Variants in MECR observed in about 807,000 individuals in gnomAD.
MECR encodes the protein mitochondrial trans-2-enoyl-CoA reductase.
A neutral mutation model predicts 49.1 loss-of-function variants in MECR; 37 were observed. The ratio of observed to expected loss-of-function variants is 0.75; its 90% CI spans 0.58 to 0.99. MECR has a LOEUF of 0.99. Among genes scored for constraint, MECR ranks in the 50% least tolerant of loss-of-function variants. MECR has a pLI of 0.00. For missense variants in MECR, 470 were observed against 479.6 expected (o/e 0.98, Z 0.19); for synonymous variants, 198 against 191.1 (o/e 1.04, Z -0.30).
In MECR at chr1:29,230,281, A is replaced by AAAT. The variant is rs571429793; in HGVS notation, c.176+447_176+449dup. 637 of 169,854 alleles carry AAAT rather than the reference A, an allele frequency of 3.8e-3. 2 individuals are homozygous for AAAT. Among genetic ancestry groups the AAAT allele is most frequent in the Non-Finnish European group, 5.8e-3 (459 of 79,230 alleles). The allele number at this position is 169,854 out of a possible 1,614,324, so 10.5% of individuals were successfully genotyped here. On this transcript the variant is annotated intron_variant, in intron 1 of 9. Coordinates refer to ENST00000263702, the MANE Select transcript of MECR (RefSeq NM_016011.5). ...TAAAAGTATTCTGAAAACTTCTTCC[A>AAAT]AATAATAATAATAATAGTAAGAACT...
intron 1 of MECR, among the ~76,000 whole-genome samples, chr1:29,218,908 C>T (rs1325178727): frequency 6.6e-6 from 1 of 152,190 alleles, no homozygotes; most frequent in Non-Finnish European, 1.5e-5. Context: ...AGCTCTCATA[C>T]TATTGTTCTG....
At chr1:29,205,344 G>A (rs989151567) in intron 4 of MECR, among the ~76,000 whole-genome samples, 7 of 151,594 alleles carry the variant, frequency 4.6e-5, no homozygotes, top group Non-Finnish European at 5.9e-5. Context: ...CCACCACGCC[G>A]GGCTAATTTT....
intron 1 of MECR, among the ~76,000 whole-genome samples, chr1:29,221,503 T>C (rs1159297758): frequency 6.6e-6 from 1 of 152,202 alleles, no homozygotes; most frequent in Non-Finnish European, 1.5e-5. Flanking sequence ...GCAACAGGTG[T>C]AATCTGCATA....
At chr1:29,170,777 G>C in the MECR span, 1 of 151,890 alleles carries the variant, frequency 6.6e-6, no homozygotes, top group Admixed American at 6.6e-5. Context: ...CTTCATTCCT[G>C]AAGGCTGAAT....
At chr1:29,175,113 C>G in the MECR span, among the ~76,000 whole-genome samples, 1 of 151,876 alleles carries the variant, frequency 6.6e-6, no homozygotes, top group Non-Finnish European at 1.5e-5. Flanking sequence ...TTATTTTGGT[C>G]CTTCTCCATA....
intron 3 of MECR, among the ~76,000 whole-genome samples, chr1:29,213,206 T>G (rs1325919060): frequency 2.0e-5 from 3 of 152,270 alleles, no homozygotes; most frequent in African/African-American, 7.2e-5. Flanking sequence ...TCTGCTCACC[T>G]TGATAGGACC....
At chr1:29,220,211 C>T (rs973532095) in intron 1 of MECR, among the ~76,000 whole-genome samples, 14 of 140,582 alleles carry the variant, frequency 1.0e-4, no homozygotes, top group African/African-American at 3.5e-4. Flanking sequence ...ATCAACATGG[C>T]GAAACCCCGT....
chr1:29,225,656 T>C (rs1387784394), intron 1 of MECR, among the ~76,000 whole-genome samples: 1 of 152,106 alleles, frequency 6.6e-6, no homozygotes, highest in Non-Finnish European at 1.5e-5. Flanking sequence ...TCCCACTCCA[T>C]TCATGACCAC....
At chr1:29,180,820 G>A in the MECR span, among the ~76,000 whole-genome samples, 50 of 152,174 alleles carry the variant, frequency 3.3e-4, no homozygotes, top group Non-Finnish European at 6.6e-4. Flanking sequence ...AGTAGATTAA[G>A]AATACAAGTA....
chr1:29,168,745 G>C, the MECR span: 2 of 152,210 alleles, frequency 1.3e-5, no homozygotes, highest in African/African-American at 4.8e-5. Context: ...GCAAAAATTA[G>C]ACCAGCATAA....
intron 1 of MECR, among the ~76,000 whole-genome samples, chr1:29,217,540 A>T (rs913261294): frequency 2.0e-5 from 3 of 152,054 alleles, no homozygotes; most frequent in Non-Finnish European, 4.4e-5. Flanking sequence ...CCACTCTGGG[A>T]CAGGAAACCT....
downstream of MECR, among the ~76,000 whole-genome samples, chr1:29,189,458 C>T (rs1673081267): frequency 6.6e-6 from 1 of 152,152 alleles, no homozygotes; most frequent in African/African-American, 2.4e-5. Flanking sequence ...AGTGATCTGC[C>T]CGCCTCAGCC....
chr1:29,181,584 G>T, the MECR span: 1 of 1,381,082 alleles, frequency 7.2e-7, no homozygotes. Flanking sequence ...CCGTCCCCGC[G>T]GCCTCCCCAC....
At chr1:29,210,308 G>C (rs548478638) in intron 3 of MECR, among the ~76,000 whole-genome samples, 1 of 152,094 alleles carries the variant, frequency 6.6e-6, no homozygotes, top group Non-Finnish European at 1.5e-5. Flanking sequence ...CACTGTACCC[G>C]GCCCAGGAAC....
downstream of MECR, among the ~76,000 whole-genome samples, chr1:29,192,035 C>T (rs1035084201): frequency 1.4e-4 from 21 of 151,940 alleles, no homozygotes; most frequent in African/African-American, 4.8e-4. Flanking sequence ...GAGGCTGCAG[C>T]GAGCCAAGAT....
intron 1 of MECR, 65 bp from the exon 2 acceptor site, chr1:29,216,750 C>T: frequency 6.2e-7 from 1 of 1,611,756 alleles, no homozygotes; most frequent in Non-Finnish European, 8.5e-7. Flanking sequence ...TCGCTCAAAT[C>T]ATCTCCTCAA....
At chr1:29,207,744 A>G (rs940626139) in intron 3 of MECR, among the ~76,000 whole-genome samples, 1 of 152,144 alleles carries the variant, frequency 6.6e-6, no homozygotes, top group Admixed American at 6.5e-5. Context: ...TGTCTCAAAA[A>G]AACCCAAAAA....
chr1:29,194,110 C>T lies in MECR; in HGVS notation c.1034G>A (p.Cys345Tyr). 1 of 1,614,118 alleles carries T rather than the reference C, an allele frequency of 6.2e-7. No homozygotes were observed. The highest frequency in any genetic ancestry group is 8.5e-7 in the Non-Finnish European group (1 of 1,180,002). Residue 345 changes from cysteine to tyrosine, a missense_variant, in exon 10 of 10, where the codon TGC becomes TAC. Cys to Tyr is a radical substitution (Grantham distance 194). Coordinates refer to ENST00000263702, the MANE Select transcript of MECR (RefSeq NM_016011.5). The stretch of plus-strand genomic sequence containing the variant: ...GTAGTCCTGCAGCGGGACCTGGGAG[C>T]AGGCAGGGGCTGTGAGCTGGCCTCG... ...IRRGQLTAPA[C>Y]SQVPLQDYQS...
At chr1:29,228,232 A>AT in intron 1 of MECR, among the ~76,000 whole-genome samples, 1 of 151,356 alleles carries the variant, frequency 6.6e-6, no homozygotes, top group Non-Finnish European at 1.5e-5. Context: ...TAAATAAATA[A>AT]ATATATATAT....
Sources: gnomAD v4.1 joint callset for allele counts (sites outside exome capture counted in the v4.1 genomes callset) on GRCh38, gnomAD v4.1.1 for gene constraint, MANE v1.5 for transcripts, NCBI Gene and HGNC (gene_info 2026-07-23, HGNC 2026-07-21) for gene names.